ANKRD29: variants seen among roughly 807,000 people sequenced by gnomAD.
The protein encoded by ANKRD29 is ankyrin repeat domain-containing protein 29.
ANKRD29 carries 32 observed loss-of-function variants against 38.0 expected under a neutral mutation model. The ratio of observed to expected loss-of-function variants is 0.84; its 90% CI spans 0.64 to 1.13. The LOEUF (loss-of-function observed/expected upper bound fraction) is 1.13. Ranked by LOEUF, ANKRD29 falls within the 50% of genes most tolerant of loss-of-function variation. The pLI is 0.00. For synonymous variants in ANKRD29, 135 were observed against 152.4 expected, an observed-to-expected ratio of 0.89 and a Z score of 0.84; for missense variants, 357 against 377.9, an observed-to-expected ratio of 0.94 and a Z score of 0.46.
intron 6 of ANKRD29, among the ~76,000 whole-genome samples, chr18:23,624,540 G>A (rs931229245): frequency 2.7e-5 from 4 of 147,998 alleles, no homozygotes; most frequent in African/African-American, 9.9e-5. Context: ...TGAGATTCAT[G>A]GGGTTATGAT....
chr18:23,624,945 A>G (rs1339974764), intron 6 of ANKRD29, among the ~76,000 whole-genome samples: 1 of 152,158 alleles, frequency 6.6e-6, no homozygotes. Context: ...TAGGCTCCTG[A>G]GAGTATTTGG....
chr18:23,657,279 C>G (rs2060297109), intron 1 of ANKRD29, among the ~76,000 whole-genome samples: 1 of 152,232 alleles, frequency 6.6e-6, no homozygotes, highest in Admixed American at 6.5e-5. Flanking sequence ...CACCTCCTTT[C>G]CCTTTAGCCC....
rs189628649 is a variant in ANKRD29, at chr18:23,623,224, G to C, written c.529-3595C>G. On this transcript the variant is annotated intron_variant, in intron 6 of 9. Coordinates refer to ENST00000592179, the MANE Select transcript of ANKRD29 (RefSeq NM_173505.4). ...AATTTGATTCTTCCATCGACCCTGT[G>C]AGATAACTGACTGTGAGCAGGTAGG... Among the ~76,000 whole-genome samples, 3 of 152,272 alleles carry C rather than the reference G, an allele frequency of 2.0e-5. No individual in the cohort carries two copies. The East Asian group carries it at 5.8e-4, about 29-fold the overall frequency.
At chr18:23,650,600 G>A (rs572350782) in intron 1 of ANKRD29, among the ~76,000 whole-genome samples, 48 of 152,296 alleles carry the variant, frequency 3.2e-4, no homozygotes, top group African/African-American at 1.1e-3. Flanking sequence ...AACAGTCGAC[G>A]AGAGGGAAGA....
chr18:23,635,502 TTC>T lies in ANKRD29; in HGVS notation c.331-1355_331-1354del, dbSNP rs1230920277. ...TTCCTCAGGTGCTACAGCTAAGGCA[TTC>T]TTTTTTCCCATCTAGCGTTGTTGAG... On this transcript the variant is annotated intron_variant, in intron 4 of 9. Coordinates refer to ENST00000592179, the MANE Select transcript of ANKRD29 (RefSeq NM_173505.4). Among the ~76,000 whole-genome samples, 5 of 152,198 alleles carry T rather than the reference TTC, an allele frequency of 3.3e-5. No individual in the cohort carries two copies. In the East Asian group the frequency reaches 9.6e-4, roughly 29 times the overall value.
intron 1 of ANKRD29, among the ~76,000 whole-genome samples, chr18:23,654,055 C>A (rs1451121356): frequency 6.6e-6 from 1 of 151,578 alleles, no homozygotes; most frequent in Non-Finnish European, 1.5e-5. Context: ...ATCATGAGGT[C>A]GAGAGATCAA....
intron 1 of ANKRD29, among the ~76,000 whole-genome samples, chr18:23,652,521 A>G (rs925262670): frequency 3.9e-5 from 6 of 152,064 alleles, no homozygotes; most frequent in Admixed American, 2.0e-4. Context: ...AAAGTCCCCA[A>G]CGTTCCTTCT....
At chr18:23,615,109 A>C (rs2059694307) in intron 8 of ANKRD29, among the ~76,000 whole-genome samples, 1 of 152,036 alleles carries the variant, frequency 6.6e-6, no homozygotes, top group Non-Finnish European at 1.5e-5. Flanking sequence ...GTAACCTTGA[A>C]CTCCTGGGCT....
intron 1 of ANKRD29, 80 bp downstream of exon 1, chr18:23,662,630 C>G (rs2060380658): frequency 4.2e-6 from 2 of 471,748 alleles, no homozygotes; most frequent in Non-Finnish European, 7.4e-6. Context: ...CCATCCCACC[C>G]CATCCCACCC....
chr18:23,656,274 C>T (rs1303099932), intron 1 of ANKRD29, among the ~76,000 whole-genome samples: 2 of 151,866 alleles, frequency 1.3e-5, no homozygotes, highest in Non-Finnish European at 2.9e-5. Context: ...TCATGTAGCT[C>T]AGATGCAAGC....
intron 6 of ANKRD29, among the ~76,000 whole-genome samples, chr18:23,623,695 T>C (rs964212830): frequency 6.6e-6 from 1 of 151,682 alleles, no homozygotes; most frequent in East Asian, 1.9e-4. Flanking sequence ...CAGGCTGGAG[T>C]GCAGTGGCAC....
At chr18:23,654,479 G>T (rs1568053360) in intron 1 of ANKRD29, among the ~76,000 whole-genome samples, 1 of 151,044 alleles carries the variant, frequency 6.6e-6, no homozygotes, top group Non-Finnish European at 1.5e-5. Flanking sequence ...AATTAGCTGG[G>T]TGTGACGGTC....
chr18:23,654,800 C>T (rs1029220627), intron 1 of ANKRD29, among the ~76,000 whole-genome samples: 29 of 151,996 alleles, frequency 1.9e-4, no homozygotes, highest in African/African-American at 6.5e-4. Flanking sequence ...CTCATCTGTA[C>T]ACTTCCAGAA....
intron 1 of ANKRD29, among the ~76,000 whole-genome samples, chr18:23,656,026 G>A (rs968623672): frequency 2.7e-5 from 4 of 148,826 alleles, no homozygotes; most frequent in Non-Finnish European, 5.9e-5. Flanking sequence ...CCGGGAGGCG[G>A]AGCTTGCAGT....
intron 6 of ANKRD29, 28 bp from the exon 7 acceptor site, chr18:23,619,657 G>T: frequency 1.3e-6 from 2 of 1,526,242 alleles, no homozygotes; most frequent in South Asian, 2.5e-5. Context: ...GGCGGCCGCC[G>T]TGACTGGGGC....
intron 1 of ANKRD29, among the ~76,000 whole-genome samples, chr18:23,661,743 C>T (rs559416000): frequency 1.3e-5 from 2 of 152,302 alleles, no homozygotes; most frequent in Admixed American, 6.5e-5. Context: ...TCACATTCGT[C>T]TGCTTCGTTC....
At chr18:23,649,824 G>A (rs1179282755) in intron 1 of ANKRD29, among the ~76,000 whole-genome samples, 2 of 152,128 alleles carry the variant, frequency 1.3e-5, no homozygotes, top group East Asian at 3.9e-4. Context: ...CCCCTTCCTG[G>A]GTTCAAGTGA....
chr18:23,632,786 TTCAA>T (rs1353321560), intron 5 of ANKRD29, among the ~76,000 whole-genome samples: 1 of 152,122 alleles, frequency 6.6e-6, no homozygotes, highest in East Asian at 1.9e-4. Flanking sequence ...TATCAAGTAA[TTCAA>T]TCATTCTACT....
intron 1 of ANKRD29, 97 bp downstream of exon 1, chr18:23,662,613 G>GGCC: frequency 7.4e-6 from 3 of 403,936 alleles, no homozygotes; most frequent in Non-Finnish European, 8.9e-6. Context: ...AGCGGGCAGC[G>GGCC]CCCACCCCAT....
Sources: gnomAD v4.1 joint callset for allele counts (sites outside exome capture counted in the v4.1 genomes callset) on GRCh38, gnomAD v4.1.1 for gene constraint, MANE v1.5 for transcripts, NCBI Gene and HGNC (gene_info 2026-07-23, HGNC 2026-07-21) for gene names.